Variants in ATP8A2 observed in about 807,000 individuals in gnomAD.
ATP8A2 encodes ATPase phospholipid transporting 8A2.
A neutral mutation model predicts 165.6 loss-of-function variants in ATP8A2; 100 were observed. The ratio of observed to expected loss-of-function variants is 0.60; its 90% confidence interval spans 0.51 to 0.71. The LOEUF (loss-of-function observed/expected upper bound fraction) is 0.71, where lower values mean the gene tolerates loss of function less well. Among genes scored for constraint, ATP8A2 ranks in the 30% least tolerant of loss-of-function variants. The pLI, the probability that ATP8A2 is intolerant of heterozygous loss-of-function variation, is 0.00. For synonymous variants in ATP8A2, 543 were observed against 548.8 expected, an observed-to-expected ratio of 0.99 and a Z score of 0.15; for missense variants, 1,227 against 1,479.5, an observed-to-expected ratio of 0.83 and a Z score of 2.80.
intron 35 of ATP8A2, 98 bp from the exon 36 acceptor site, chr13:26,012,433 A>C: frequency 1.1e-6 from 1 of 906,930 alleles, no homozygotes; most frequent in Non-Finnish European, 1.7e-6. Context: ...CGACGTGGGG[A>C]GGTGATCCCC....
chr13:25,603,440 G>A (rs1296594732), intron 24 of ATP8A2, among the ~76,000 whole-genome samples: 4 of 149,020 alleles, frequency 2.7e-5, no homozygotes, highest in African/African-American at 5.0e-5. Context: ...GCAGTGAGTC[G>A]AGCCTGGGTG....
chr13:25,639,123 G>GAACA (rs142390903), intron 24 of ATP8A2, among the ~76,000 whole-genome samples: 145,834 of 151,708 alleles, frequency 0.96, 70,035 homozygotes, highest in Middle Eastern at 0.99. Context: ...ACATGGAAAG[G>GAACA]ACCAGTACCA....
rs562410359 is a variant in ATP8A2 at position 25,646,785 on chromosome 13, C to G, written c.2212-52388C>G. Among the ~76,000 whole-genome samples the G allele has an allele frequency of 4.0e-5, 6 of 151,418 alleles. No individual in the cohort carries two copies. The South Asian group carries it at 1.3e-3, about 32-fold the overall frequency. ...GACTTAGTATTTTGTCAGTTTTGTT[C>G]TGGTTGTTTTAAGATACTTTGTTCC... On this transcript the variant is annotated intron_variant, in intron 24 of 36. Transcript: ENST00000381655.
intron 24 of ATP8A2, among the ~76,000 whole-genome samples, chr13:25,666,931 C>T (rs2042166694): frequency 6.6e-6 from 1 of 152,144 alleles, no homozygotes; most frequent in African/African-American, 2.4e-5. Flanking sequence ...TTACCATAAG[C>T]AGAATGAAAA....
chr13:25,732,064 A>C (rs556317653), intron 25 of ATP8A2, among the ~76,000 whole-genome samples: 4 of 152,098 alleles, frequency 2.6e-5, no homozygotes, highest in African/African-American at 9.6e-5. Flanking sequence ...TTCACCTCCC[A>C]CCCACTGCTC....
At chr13:25,529,347 C>T (rs186708814) in intron 2 of ATP8A2, among the ~76,000 whole-genome samples, 10 of 152,282 alleles carry the variant, frequency 6.6e-5, no homozygotes, top group East Asian at 1.9e-4. Flanking sequence ...ACATTCTTGT[C>T]GTTCCCATAA....
intron 30 of ATP8A2, among the ~76,000 whole-genome samples, chr13:25,858,444 G>A (rs7139705): frequency 0.94 from 143,450 of 152,162 alleles, 68,029 homozygotes; most frequent in Non-Finnish European, 1. Context: ...ACCCAGCAGC[G>A]GGGCCTCCGT....
intron 23 of ATP8A2, among the ~76,000 whole-genome samples, chr13:25,587,983 T>C (rs1052484796): frequency 2.6e-5 from 4 of 152,174 alleles, no homozygotes; most frequent in Non-Finnish European, 5.9e-5. Flanking sequence ...GTTTTAGAGA[T>C]GTAACAGGTA....
At chr13:25,453,663 G>A (rs915370962) in intron 1 of ATP8A2, among the ~76,000 whole-genome samples, 3 of 152,178 alleles carry the variant, frequency 2.0e-5, no homozygotes, top group Non-Finnish European at 4.4e-5. Context: ...AGAAACAAAT[G>A]TAAACTAAAT....
chr13:25,524,721 A>T (rs1039014004), intron 2 of ATP8A2, among the ~76,000 whole-genome samples: 1 of 151,834 alleles, frequency 6.6e-6, no homozygotes, highest in Admixed American at 6.6e-5. Context: ...TTTATAGGTG[A>T]TATCGGTTTC....
intron 30 of ATP8A2, among the ~76,000 whole-genome samples, chr13:25,848,273 A>G (rs1236634728): frequency 6.6e-6 from 1 of 152,250 alleles, no homozygotes; most frequent in East Asian, 1.9e-4. Context: ...TCCATGGAGT[A>G]CACCCTCAGC....
At position 26,002,574 on chromosome 13, in the gene ATP8A2, A is replaced by C. The variant is rs555559069; in HGVS notation, c.3378-9957A>C. On this transcript the variant is annotated intron_variant, in intron 35 of 36. Transcript: ENST00000381655. ...GAACTTAAAGTATTAAAAAAAAAAA[A>C]AAAACTCACTCCTTTTGTCTAATTG... is the stretch of plus-strand genomic sequence containing the variant. Among the ~76,000 whole-genome samples, 18 of 152,078 alleles carry C rather than the reference A, an allele frequency of 1.2e-4. No individual in the cohort carries two copies. The South Asian group carries it at 2.3e-3, about 19-fold the overall frequency.
At chr13:25,867,914 C>CT (rs368880389) in intron 33 of ATP8A2, 32 of 220,728 alleles carry the variant, frequency 1.4e-4, no homozygotes, top group Middle Eastern at 4.7e-4. Flanking sequence ...ACAAAAGTGT[C>CT]TTTTTTTTAT....
chr13:25,796,479 C>T (rs778163835), intron 27 of ATP8A2, among the ~76,000 whole-genome samples: 1 of 152,144 alleles, frequency 6.6e-6, no homozygotes, highest in Non-Finnish European at 1.5e-5. Flanking sequence ...GAGAGTGGGA[C>T]ACACATGAAA....
intron 1 of ATP8A2, among the ~76,000 whole-genome samples, chr13:25,428,194 G>T (rs2034505842): frequency 6.7e-6 from 1 of 150,172 alleles, no homozygotes; most frequent in Non-Finnish European, 1.5e-5. Context: ...AAAAAAAAAA[G>T]TCTGTTAATT....
intron 25 of ATP8A2, among the ~76,000 whole-genome samples, chr13:25,743,626 A>G (rs74924667): frequency 0.011 from 1,733 of 152,328 alleles, 28 homozygotes; most frequent in African/African-American, 0.038. Flanking sequence ...TAGATGTATC[A>G]TCAGGTTCTG....
chr13:25,579,598 T>G (rs1168498826), intron 21 of ATP8A2, among the ~76,000 whole-genome samples: 1 of 152,182 alleles, frequency 6.6e-6, no homozygotes, highest in African/African-American at 2.4e-5. Flanking sequence ...TCGCGCACTC[T>G]CAGCCTTACG....
At chr13:25,724,498 T>C (rs1028096234) in intron 25 of ATP8A2, among the ~76,000 whole-genome samples, 1 of 152,256 alleles carries the variant, frequency 6.6e-6, no homozygotes, top group Non-Finnish European at 1.5e-5. Flanking sequence ...CTGTGAGTTA[T>C]AAAAACTGTA....
At chr13:25,926,312 A>G (rs771513507) in intron 33 of ATP8A2, among the ~76,000 whole-genome samples, 4 of 151,928 alleles carry the variant, frequency 2.6e-5, no homozygotes, top group Non-Finnish European at 5.9e-5. Context: ...TTCCCATTCC[A>G]TGGCCCCTCC....
Sources: gnomAD v4.1 joint callset for allele counts (sites outside exome capture counted in the v4.1 genomes callset) on GRCh38, gnomAD v4.1.1 for gene constraint, MANE v1.5 for transcripts, NCBI Gene and HGNC (gene_info 2026-07-23, HGNC 2026-07-21) for gene names.